KIRREL3: variants seen among roughly 807,000 people sequenced by gnomAD.
The protein encoded by KIRREL3 is kirre like nephrin family adhesion molecule 3.
A neutral mutation model predicts 89.7 loss-of-function variants in KIRREL3; 36 were observed. The observed-to-expected ratio is 0.40, with a 90% CI of 0.31 to 0.53. The LOEUF (loss-of-function observed/expected upper bound fraction) is 0.53, where lower values mean the gene tolerates loss of function less well. Among genes scored for constraint, KIRREL3 ranks in the 20% least tolerant of loss-of-function variants. The pLI, the probability that KIRREL3 is intolerant of heterozygous loss-of-function variation, is 0.49. For synonymous variants in KIRREL3, 445 were observed against 441.4 expected (o/e 1.01, Z -0.10); for missense variants, 864 against 1,056.6 (o/e 0.82, Z 2.53).
rs752165285 is a variant in KIRREL3 at position 126,897,731 on chromosome 11, A to G, written c.55+102724T>C. On this transcript the variant is annotated intron_variant, in intron 1 of 16. Coordinates refer to ENST00000525144, the MANE Select transcript of KIRREL3 (RefSeq NM_032531.4). This position sits in a 1 kb window ranked among gnomAD's most constrained non-coding sequence, Gnocchi z 4.2. The stretch of plus-strand genomic sequence containing the variant: ...TCATCTCCAGTTTCGGACGAGCAGC[A>G]GTACAACATGCAGCAGCAAAAGCCC... Among the ~76,000 whole-genome samples the G allele has an allele frequency of 6.6e-6, 1 of 152,254 alleles. No individual in the cohort carries two copies. Among genetic ancestry groups the G allele is most frequent in the African/African-American group, 2.4e-5 (1 of 41,462 alleles).
In KIRREL3 at chr11:126,908,336, T is replaced by A. The variant is rs1946669577; in HGVS notation, c.55+92119A>T. ...AGCCAAGACTAAGAGATCTTTATGA[T>A]CATTTCGTCCAACCAAAGCAAGGAC... On this transcript the variant is annotated intron_variant, in intron 1 of 16. Coordinates refer to ENST00000525144, the MANE Select transcript of KIRREL3 (RefSeq NM_032531.4). This position sits in a 1 kb window ranked among gnomAD's most constrained non-coding sequence, Gnocchi z 4.2. Among the ~76,000 whole-genome samples the A allele has an allele frequency of 1.3e-5, 2 of 152,300 alleles. No individual in the cohort carries two copies. The highest frequency in any genetic ancestry group is 4.8e-5 in the African/African-American group (2 of 41,556).
intron 1 of KIRREL3, among the ~76,000 whole-genome samples, chr11:126,679,518 A>C (rs549763305): frequency 6.6e-6 from 1 of 152,362 alleles, no homozygotes; most frequent in Non-Finnish European, 1.5e-5. Flanking sequence ...GTATAAGGTC[A>C]CACACCTATT....
rs371902133 is a variant in KIRREL3 at position 126,826,956 on chromosome 11, G to C, written c.55+173499C>G. ...GTGTTGAAAATGAGGCAGAGTAGCAGAGGTCATCCCCCTCCCTTTTCAGGC... is the reference window on the plus strand; with the variant it reads ...GTGTTGAAAATGAGGCAGAGTAGCACAGGTCATCCCCCTCCCTTTTCAGGC... On this transcript the variant is annotated intron_variant, in intron 1 of 16. Transcript: ENST00000525144. Among the ~76,000 whole-genome samples, 184 of 152,326 alleles carry C rather than the reference G, an allele frequency of 1.2e-3. 3 individuals are homozygous for C. The South Asian group carries it at 0.036, about 30-fold the overall frequency.
rs955100390 is a variant in KIRREL3, at chr11:126,710,111, A to G, written c.56-147199T>C. 3.3e-5 allele frequency among the ~76,000 whole-genome samples: 5 copies of G among 152,094 alleles called. No homozygotes were observed. Among genetic ancestry groups the G allele is most frequent in the African/African-American group, 1.2e-4 (5 of 41,404 alleles). On this transcript the variant is annotated intron_variant, in intron 1 of 16. Transcript: ENST00000525144. This position sits in a 1 kb window ranked among gnomAD's most constrained non-coding sequence, Gnocchi z 4.2. ...TATCAAGTCTGGCATTGGAATCCCA[A>G]TCTCCTCCTCACTAAGCCCATGCTT...
In KIRREL3 at chr11:126,571,485, T is replaced by C. The variant is rs1166810875; in HGVS notation, c.56-8573A>G. Among the ~76,000 whole-genome samples, 1 of 152,238 alleles carries C rather than the reference T, an allele frequency of 6.6e-6. No homozygotes were observed. The highest frequency in any genetic ancestry group is 1.5e-5 in the Non-Finnish European group (1 of 68,040). ...TGTCTGCCACCTGGGACCAGGCTCA[T>C]GTAGTTCACCATCACAATGAAAGCT... On this transcript the variant is annotated intron_variant, in intron 1 of 16. Transcript: ENST00000525144. This position sits in a 1 kb window ranked among gnomAD's most constrained non-coding sequence, Gnocchi z 7.7.
rs1945817475 is a variant in KIRREL3, at chr11:126,669,031, C to T, written c.56-106119G>A. 6.6e-6 allele frequency among the ~76,000 whole-genome samples: 1 copy of T among 152,114 alleles called. No individual in the cohort carries two copies. Among genetic ancestry groups the T allele is most frequent in the South Asian group, 2.1e-4 (1 of 4,824 alleles). ...TTATTCACCTGTTAGGGCTTTCCAT[C>T]CCAATTTTCATCCCTTTTTGACAAT... On this transcript the variant is annotated intron_variant, in intron 1 of 16. Transcript: ENST00000525144. The surrounding 1 kb of genome is among the most constrained non-coding windows in gnomAD (Gnocchi z 5.0).
intron 7 of KIRREL3, among the ~76,000 whole-genome samples, chr11:126,450,967 A>C (rs1956076376): frequency 7.4e-6 from 1 of 135,840 alleles, no homozygotes; most frequent in South Asian, 2.4e-4. Context: ...GAGCGTGTGC[A>C]TGCATGGGTG....
In KIRREL3 at chr11:126,642,839, T is replaced by C. The variant is rs1944522876; in HGVS notation, c.56-79927A>G. Among the ~76,000 whole-genome samples the C allele has an allele frequency of 2.6e-5, 4 of 152,214 alleles. No individual in the cohort carries two copies. On this transcript the variant is annotated intron_variant, in intron 1 of 16. Transcript: ENST00000525144. This position sits in a 1 kb window ranked among gnomAD's most constrained non-coding sequence, Gnocchi z 4.9. ...CAAAATTCTGAACTGTACATCCAGT[T>C]GAACAAAGTAAACATTTATCAAGCA...
chr11:126,767,211 T>C (rs962086496), intron 1 of KIRREL3, among the ~76,000 whole-genome samples: 3 of 152,252 alleles, frequency 2.0e-5, no homozygotes, highest in African/African-American at 7.2e-5. Context: ...CCAGTGCTTT[T>C]CCTACCTGAC....
At chr11:126,927,589 T>C (rs945472573) in intron 1 of KIRREL3, among the ~76,000 whole-genome samples, 3 of 152,246 alleles carry the variant, frequency 2.0e-5, no homozygotes, top group African/African-American at 7.2e-5. Flanking sequence ...GCGGACATTA[T>C]GGAAAACTTT....
intron 1 of KIRREL3, among the ~76,000 whole-genome samples, chr11:126,649,462 G>C (rs544639617): frequency 6.6e-6 from 1 of 152,116 alleles, no homozygotes; most frequent in African/African-American, 2.4e-5. Flanking sequence ...ATAAAATGAG[G>C]GTACAGGTAT....
intron 1 of KIRREL3, among the ~76,000 whole-genome samples, chr11:126,728,637 C>A (rs902731062): frequency 2.0e-5 from 3 of 152,112 alleles, no homozygotes; most frequent in African/African-American, 7.2e-5. Context: ...CCCACAGGAA[C>A]CTGGACCACC....
rs1844209769 is a variant in KIRREL3, at chr11:126,555,243, C to T, written c.133+7592G>A. ...TCTGGTTCCTGCACTTGCTTGCTCA[C>T]ACACTCCCTCTCTCAAGCAGTGGCC... On this transcript the variant is annotated intron_variant, in intron 2 of 16. Coordinates refer to ENST00000525144, the MANE Select transcript of KIRREL3 (RefSeq NM_032531.4). This position sits in a 1 kb window ranked among gnomAD's most constrained non-coding sequence, Gnocchi z 4.2. 6.6e-6 allele frequency among the ~76,000 whole-genome samples: 1 copy of T among 152,190 alleles called. No individual in the cohort carries two copies. Among genetic ancestry groups the T allele is most frequent in the Admixed American group, 6.5e-5 (1 of 15,286 alleles).
chr11:126,883,920 G>A lies in KIRREL3; in HGVS notation c.55+116535C>T, dbSNP rs1346427322. Among the ~76,000 whole-genome samples, 1 of 152,162 alleles carries A rather than the reference G, an allele frequency of 6.6e-6. No individual in the cohort carries two copies. The highest frequency in any genetic ancestry group is 1.9e-4 in the East Asian group (1 of 5,188). ...CGATACAAAGAACTTTCTGATCACTGGAGCAGTTCAACAATGGAAGCTTCT... is the reference window on the plus strand; with the variant it reads ...CGATACAAAGAACTTTCTGATCACTAGAGCAGTTCAACAATGGAAGCTTCT... On this transcript the variant is annotated intron_variant, in intron 1 of 16. Coordinates refer to ENST00000525144, the MANE Select transcript of KIRREL3 (RefSeq NM_032531.4). The surrounding 1 kb of genome is among the most constrained non-coding windows in gnomAD (Gnocchi z 4.1).
At chr11:126,693,546 C>T (rs1946963460) in intron 1 of KIRREL3, among the ~76,000 whole-genome samples, 1 of 152,072 alleles carries the variant, frequency 6.6e-6, no homozygotes, top group Non-Finnish European at 1.5e-5. Context: ...GCGTGCAAGT[C>T]ATGGCAGGGG....
chr11:126,720,740 C>T (rs1006927046), intron 1 of KIRREL3, among the ~76,000 whole-genome samples: 3 of 152,222 alleles, frequency 2.0e-5, no homozygotes, highest in Non-Finnish European at 2.9e-5. Flanking sequence ...TGATCACCCT[C>T]ATGAGAGAGA....
chr11:126,467,964 C>G (rs1565479154), intron 5 of KIRREL3, among the ~76,000 whole-genome samples: 1 of 152,144 alleles, frequency 6.6e-6, no homozygotes, highest in Non-Finnish European at 1.5e-5. Flanking sequence ...TTATCCCTTT[C>G]CTGAGTGGGG....
At chr11:126,730,239 A>G (rs527644374) in intron 1 of KIRREL3, among the ~76,000 whole-genome samples, 2 of 152,102 alleles carry the variant, frequency 1.3e-5, no homozygotes, top group African/African-American at 4.8e-5. Flanking sequence ...CCCCATCCAC[A>G]TGGGGGCCCA....
Position 126,571,086 on chromosome 11 carries a change from G to A in KIRREL3, c.56-8174C>T, listed in dbSNP as rs1180101796. On this transcript the variant is annotated intron_variant, in intron 1 of 16. Coordinates refer to ENST00000525144, the MANE Select transcript of KIRREL3 (RefSeq NM_032531.4). The surrounding 1 kb of genome is among the most constrained non-coding windows in gnomAD (Gnocchi z 7.7). ...AGGCTTGCCGTACACCTCCATGTTG[G>A]TGCTTGTTGGTGCGTCGTGCCATGC... Among the ~76,000 whole-genome samples, 3 of 152,152 alleles carry A rather than the reference G, an allele frequency of 2.0e-5. No individual in the cohort carries two copies.
Sources: allele counts gnomAD v4.1 joint callset (sites outside exome capture counted in the v4.1 genomes callset), GRCh38; gene constraint gnomAD v4.1.1; non-coding constraint Gnocchi (gnomAD v3.1); transcripts MANE v1.5; gene names NCBI Gene and HGNC (gene_info 2026-07-23, HGNC 2026-07-21).